PHLDB2: variants seen among roughly 807,000 people sequenced by gnomAD.
The protein encoded by PHLDB2 is pleckstrin homology-like domain family B member 2.
Under a neutral mutation model 123.6 loss-of-function variants are expected in PHLDB2, and 71 were observed. The ratio of observed to expected loss-of-function variants is 0.57; its 90% CI spans 0.47 to 0.70. PHLDB2 has a LOEUF of 0.70. PHLDB2 is among the 30% of genes least tolerant of loss of function. The pLI, the probability that PHLDB2 is intolerant of heterozygous loss-of-function variation, is 0.00. For missense variants in PHLDB2, 1,446 were observed against 1,519.5 expected, an observed-to-expected ratio of 0.95 and a Z score of 0.80; for synonymous variants, 547 against 541.6, an observed-to-expected ratio of 1.01 and a Z score of -0.14.
chr3:111,782,088 G>A (rs538832917), intron 1 of PHLDB2, among the ~76,000 whole-genome samples: 1 of 152,062 alleles, frequency 6.6e-6, no homozygotes, highest in Non-Finnish European at 1.5e-5. Context: ...CAAGGCCAGG[G>A]TCAAGATATG....
chr3:111,791,206 A>G (rs1425689209), intron 1 of PHLDB2, among the ~76,000 whole-genome samples: 4 of 152,200 alleles, frequency 2.6e-5, no homozygotes, highest in African/African-American at 9.6e-5. Flanking sequence ...ATTTCTATAT[A>G]TGGTATCTGC....
chr3:111,938,054 A>T (rs1439233584), intron 6 of PHLDB2, among the ~76,000 whole-genome samples: 1 of 152,130 alleles, frequency 6.6e-6, no homozygotes, highest in Non-Finnish European at 1.5e-5. Flanking sequence ...TTATTCTGAG[A>T]GTGGTGGTGT....
chr3:111,845,718 G>A, intron 1 of PHLDB2: 1 of 1,351,802 alleles, frequency 7.4e-7, no homozygotes. Context: ...TTCCCCGGAT[G>A]TTAAACATCT....
intron 17 of PHLDB2, among the ~76,000 whole-genome samples, chr3:111,974,055 C>T (rs1011752552): frequency 1.3e-5 from 2 of 152,126 alleles, no homozygotes; most frequent in Non-Finnish European, 2.9e-5. Flanking sequence ...CCCTGCGAAA[C>T]GACTCTGCCA....
chr3:111,820,414 C>G (rs2062315113), intron 1 of PHLDB2, among the ~76,000 whole-genome samples: 1 of 152,202 alleles, frequency 6.6e-6, no homozygotes, highest in Admixed American at 6.5e-5. Context: ...GCATTCTACT[C>G]TAGTGGAACT....
intron 1 of PHLDB2, among the ~76,000 whole-genome samples, chr3:111,829,927 A>AACACACAC (rs72357648): frequency 0.011 from 1,448 of 135,966 alleles, 25 homozygotes; most frequent in East Asian, 0.02. Context: ...AACTATTCAA[A>AACACACAC]ACACACACAC....
chr3:111,891,319 T>C (rs2066479564), intron 2 of PHLDB2, among the ~76,000 whole-genome samples: 1 of 152,126 alleles, frequency 6.6e-6, no homozygotes, highest in Admixed American at 6.5e-5. Flanking sequence ...CCACTCCCCA[T>C]CACTCACGTT....
At chr3:111,900,438 T>A (rs1406370119) in intron 2 of PHLDB2, among the ~76,000 whole-genome samples, 1 of 152,212 alleles carries the variant, frequency 6.6e-6, no homozygotes. Flanking sequence ...AAAAGGTTAT[T>A]AATTGGCCTA....
At chr3:111,780,328 GA>G (rs2060379858) in intron 1 of PHLDB2, among the ~76,000 whole-genome samples, 11 of 11,564 alleles carry the variant, frequency 9.5e-4, no homozygotes, top group Admixed American at 1.2e-3. Context: ...AGAGGAAGAA[GA>G]AGAAGAAGAA....
At chr3:111,952,773 C>A (rs1178252155) in intron 11 of PHLDB2, 61 bp downstream of exon 11, 5 of 1,567,332 alleles carry the variant, frequency 3.2e-6, no homozygotes, top group Non-Finnish European at 4.3e-6. Flanking sequence ...ATTATATTCA[C>A]TGATGTGTAA....
intron 1 of PHLDB2, among the ~76,000 whole-genome samples, chr3:111,771,660 G>A (rs1411595495): frequency 6.6e-6 from 1 of 152,106 alleles, no homozygotes; most frequent in Admixed American, 6.5e-5. Flanking sequence ...TCTTTATATG[G>A]CATTCTTCTG....
chr3:111,885,210 C>A lies in PHLDB2; in HGVS notation c.1133C>A (p.Ala378Glu). The change falls in exon 2 of 18, where the codon GCG (alanine) becomes GAG (glutamate). Residue 378 changes from alanine to glutamate, a missense_variant. By Grantham distance (107) the Ala-to-Glu change is moderately radical (BLOSUM62 -1). Transcript: ENST00000431670. ...GCTGGAGAGTCAGACAGAGTTTTTG[C>A]GACCAGGAGGAACTTCTCTTGTGGA... ...LLAGESDRVF[A>E]TRRNFSCGSV... is the part of the protein sequence containing the mutation. 1 of 1,614,058 alleles carries A rather than the reference C, an allele frequency of 6.2e-7. No individual in the cohort carries two copies. The highest frequency in any genetic ancestry group is 8.5e-7 in the Non-Finnish European group (1 of 1,180,004).
intron 1 of PHLDB2, among the ~76,000 whole-genome samples, chr3:111,843,969 C>T (rs2063814865): frequency 6.6e-6 from 1 of 152,160 alleles, no homozygotes; most frequent in Admixed American, 6.6e-5. Context: ...GTAAAAAACT[C>T]AGTAATGTAA....
At chr3:111,931,915 G>T (rs549797157) in intron 5 of PHLDB2, among the ~76,000 whole-genome samples, 1 of 152,146 alleles carries the variant, frequency 6.6e-6, no homozygotes, top group African/African-American at 2.4e-5. Context: ...TCTTAGCAAG[G>T]CTTGCTTATG....
At chr3:111,773,935 C>T (rs565979946) in intron 1 of PHLDB2, among the ~76,000 whole-genome samples, 5 of 152,186 alleles carry the variant, frequency 3.3e-5, no homozygotes, top group African/African-American at 7.2e-5. Flanking sequence ...GGAAAGCTGC[C>T]GTAACAGCAG....
At chr3:111,910,116 C>CA (rs2067799068) in intron 2 of PHLDB2, among the ~76,000 whole-genome samples, 1 of 152,096 alleles carries the variant, frequency 6.6e-6, no homozygotes, top group Non-Finnish European at 1.5e-5. Flanking sequence ...GGTCAAAAAA[C>CA]ATACCCCTAG....
At chr3:111,779,582 A>G (rs952875410) in intron 1 of PHLDB2, among the ~76,000 whole-genome samples, 2 of 152,046 alleles carry the variant, frequency 1.3e-5, no homozygotes, top group African/African-American at 4.8e-5. Flanking sequence ...CAAAAGGCAT[A>G]ATTTCATTCT....
chr3:111,760,124 C>T (rs1170680398), intron 1 of PHLDB2, among the ~76,000 whole-genome samples: 1 of 152,216 alleles, frequency 6.6e-6, no homozygotes, highest in African/African-American at 2.4e-5. Context: ...TACTTCTTGC[C>T]TTCATGTGCA....
chr3:111,862,359 A>T (rs2064873921), intron 1 of PHLDB2, among the ~76,000 whole-genome samples: 1 of 152,146 alleles, frequency 6.6e-6, no homozygotes, highest in African/African-American at 2.4e-5. Context: ...TGAAACAAAA[A>T]CACCTAAGTG....
Sources: allele counts gnomAD v4.1 joint callset (sites outside exome capture counted in the v4.1 genomes callset), GRCh38; gene constraint gnomAD v4.1.1; transcripts MANE v1.5; gene names NCBI Gene and HGNC (gene_info 2026-07-23, HGNC 2026-07-21).